Variants in CYB5R2 observed in about 807,000 individuals in gnomAD.
The protein encoded by CYB5R2 is cytochrome b5 reductase 2, also known as NADH-cytochrome b5 reductase 2.
A neutral mutation model predicts 29.8 loss-of-function variants in CYB5R2; 35 were observed. The ratio of observed to expected loss-of-function variants is 1.17; its 90% CI spans 0.90 to 1.56. CYB5R2 has a LOEUF of 1.56. CYB5R2 is among the 40% of genes most tolerant of loss of function. The pLI is 0.00. For missense variants in CYB5R2, 419 were observed against 346.7 expected, an observed-to-expected ratio of 1.21 and a Z score of -1.66; for synonymous variants, 169 against 130.6, an observed-to-expected ratio of 1.29 and a Z score of -2.01.
At chr11:7,665,934 A>G (rs965637535) in intron 8 of CYB5R2, 3 of 1,535,900 alleles carry the variant, frequency 2.0e-6, no homozygotes, top group South Asian at 1.2e-5. Context: ...TCTGCCGACC[A>G]GGGACCTGTA....
intron 3 of CYB5R2, 55 bp from the exon 4 acceptor site, chr11:7,669,786 CAGGAATAA>C: frequency 7.7e-7 from 1 of 1,295,356 alleles, no homozygotes; most frequent in African/African-American, 1.5e-5. Flanking sequence ...AAATAAGGCC[CAGGAATAA>C]AGGACTGAGC....
chr11:7,666,741 G>A (rs1445414615), intron 7 of CYB5R2, 191 bp from the exon 8 acceptor site: 3 of 491,076 alleles, frequency 6.1e-6, no homozygotes. Flanking sequence ...TGTGGATGAA[G>A]TTCCTCCATG....
At chr11:7,665,789 T>G (rs944047040) in intron 8 of CYB5R2, 1 of 1,473,710 alleles carries the variant, frequency 6.8e-7, no homozygotes, top group South Asian at 1.3e-5. Context: ...CTGTCAGCTG[T>G]CAGCATTGAC....
At chr11:7,669,535 G>A in intron 4 of CYB5R2, 90 bp downstream of exon 4, 1 of 1,238,382 alleles carries the variant, frequency 8.1e-7, no homozygotes, top group South Asian at 1.5e-5. Context: ...GGGCATATGT[G>A]CCCTCAGAGA....
At chr11:7,673,947 C>A, upstream of CYB5R2, 1 of 1,008,624 alleles carries the variant, frequency 9.9e-7, no homozygotes, top group Non-Finnish European at 1.2e-6. Context: ...GGGGCTCTCA[C>A]TCACGAGCCG....
chr11:7,671,337 C>A (rs547936504), intron 3 of CYB5R2: 1 of 152,356 alleles, frequency 6.6e-6, no homozygotes, highest in African/African-American at 2.4e-5. Context: ...TGGGCTGGGA[C>A]GAAGCAGCGA....
intron 8 of CYB5R2, chr11:7,665,931 A>C: frequency 6.5e-7 from 1 of 1,535,864 alleles, no homozygotes; most frequent in African/African-American, 1.4e-5. Context: ...CCCTCTGCCG[A>C]CCAGGGACCT....
chr11:7,668,190 G>A (rs560641213), intron 6 of CYB5R2, among the ~76,000 whole-genome samples: 2 of 152,330 alleles, frequency 1.3e-5, no homozygotes, highest in East Asian at 3.9e-4. Flanking sequence ...GGGAGAGTCA[G>A]GCTTGAACTG....
Position 7,665,179 on chromosome 11 carries a change from A to G in CYB5R2, c.*195T>C, listed in dbSNP as rs1855026563. On this transcript the variant is annotated 3_prime_UTR_variant, in exon 9 of 9. Coordinates refer to ENST00000299498, the MANE Select transcript of CYB5R2 (RefSeq NM_016229.5). ...TGGAGCTCTTTCCAGCCTCCAAGCA[A>G]GGAGGCCCCAGCAGCCAGTCTCCAG... The G allele has an allele frequency of 2.1e-6, 1 of 476,704 alleles. No individual in the cohort carries two copies. The highest frequency in any genetic ancestry group is 3.7e-6 in the Non-Finnish European group (1 of 271,878). 29.5% of individuals were successfully genotyped at this position (476,704 alleles called of 1,614,324 possible). A position where few individuals can be genotyped will look rare whatever the true frequency, so the allele number is the denominator to read the frequency against.
In CYB5R2 at chr11:7,669,674, G is replaced by A. The variant is rs199816158; in HGVS notation, c.209C>T (p.Thr70Ile). Residue 70 changes from threonine (T) to isoleucine (I), a missense_variant, in exon 4 of 9, where the codon ACC becomes ATC. Transcript: ENST00000299498. ...TCTGTCATCATCACTGGAGACAGGG[G>A]TGTAAGCCCTGACCACCAATTCATT... is the stretch of plus-strand genomic sequence containing the variant. ...IDNELVVRAY[T>I]PVSSDDDRGF... 2.1e-5 allele frequency: 34 copies of A among 1,613,454 alleles called. No individual in the cohort carries two copies. The highest frequency in any genetic ancestry group is 2.9e-5 in the Non-Finnish European group (34 of 1,179,698).
intron 8 of CYB5R2, chr11:7,665,866 G>C (rs1404844464): frequency 6.5e-7 from 1 of 1,535,988 alleles, no homozygotes; most frequent in Non-Finnish European, 8.7e-7. Context: ...GAGTTGTCCG[G>C]CAGGGTGTGG....
At chr11:7,672,371 G>A in intron 3 of CYB5R2, 80 bp downstream of exon 3, 7 of 1,287,974 alleles carry the variant, frequency 5.4e-6, no homozygotes, top group Non-Finnish European at 7.8e-6. Flanking sequence ...TCAGGACGTG[G>A]GAAACCTGTG....
At chr11:7,674,092 C>T (rs946775170), upstream of CYB5R2, 1 of 1,196,468 alleles carries the variant, frequency 8.4e-7, no homozygotes, top group African/African-American at 1.6e-5. Flanking sequence ...AGCTGCCACA[C>T]TGAGCGCCCC....
intron 3 of CYB5R2, chr11:7,670,900 C>T (rs1855691756): frequency 6.6e-6 from 1 of 151,112 alleles, no homozygotes; most frequent in Admixed American, 6.6e-5. Flanking sequence ...AGTTTCTACT[C>T]GCTCAGAAAC....
intron 6 of CYB5R2, 79 bp downstream of exon 6, chr11:7,668,399 C>G (rs1374858284): frequency 6.3e-6 from 7 of 1,118,036 alleles, no homozygotes; most frequent in Non-Finnish European, 9.6e-6. Flanking sequence ...CATGTTGTCC[C>G]TTAGAGGATC....
chr11:7,670,808 C>T (rs1413910869), intron 3 of CYB5R2: 1 of 152,212 alleles, frequency 6.6e-6, no homozygotes, highest in Non-Finnish European at 1.5e-5. Flanking sequence ...TCAAGAGATA[C>T]TAAGAGCTAG....
chr11:7,674,230 T>C, upstream of CYB5R2: 1 of 1,279,532 alleles, frequency 7.8e-7, no homozygotes, highest in South Asian at 1.2e-5. Context: ...ACATACCTCA[T>C]GGGCGCCTAC....
chr11:7,673,660 C>T (rs1348666327), upstream of CYB5R2: 5 of 985,256 alleles, frequency 5.1e-6, no homozygotes, highest in African/African-American at 8.7e-5. Context: ...TCCTTCCGGC[C>T]GTCCCGACGG....
At chr11:7,668,155 T>G (rs912614727) in intron 6 of CYB5R2, among the ~76,000 whole-genome samples, 1 of 152,216 alleles carries the variant, frequency 6.6e-6, no homozygotes, top group Non-Finnish European at 1.5e-5. Flanking sequence ...GCTCTCTTTC[T>G]TCAGGCAGTC....
Sources: gnomAD v4.1 joint callset for allele counts (sites outside exome capture counted in the v4.1 genomes callset) on GRCh38, gnomAD v4.1.1 for gene constraint, MANE v1.5 for transcripts, NCBI Gene and HGNC (gene_info 2026-07-23, HGNC 2026-07-21) for gene names.